Variants in UMODL1 observed in about 807,000 individuals in gnomAD.
UMODL1 encodes uromodulin like 1.
A neutral mutation model predicts 136.3 loss-of-function variants in UMODL1; 128 were observed. The ratio of observed to expected loss-of-function variants is 0.94; its 90% CI spans 0.81 to 1.09. UMODL1 has a LOEUF of 1.09. UMODL1 is among the 50% of genes least tolerant of loss of function. The probability of loss-of-function intolerance (pLI) is 0.00; values close to 1 mark genes in which losing one functional copy is unlikely to be tolerated. For synonymous variants in UMODL1, 721 were observed against 720.0 expected (o/e 1.00, Z -0.02); for missense variants, 1,766 against 1,725.6 (o/e 1.02, Z -0.41).
At chr21:42,094,826 G>A (rs963256728) in intron 6 of UMODL1, among the ~76,000 whole-genome samples, 17 of 121,302 alleles carry the variant, frequency 1.4e-4, no homozygotes, top group African/African-American at 1.2e-4. Flanking sequence ...AACAGCTGCC[G>A]TGAAATTTCG....
At chr21:42,111,812 T>C in intron 12 of UMODL1, 102 bp downstream of exon 12, 2 of 1,196,778 alleles carry the variant, frequency 1.7e-6, no homozygotes, top group Non-Finnish European at 2.3e-6. Context: ...CGCAGGCTGC[T>C]AGCAATGCTC....
At position 42,078,725 on chromosome 21, in the gene UMODL1, C is replaced by T. The variant is rs368934206; in HGVS notation, c.319+2478C>T. 6.0e-5 allele frequency among the ~76,000 whole-genome samples: 9 copies of T among 149,234 alleles called. No homozygotes were observed. In the South Asian group the frequency reaches 1.9e-3, roughly 32 times the overall value. On this transcript the variant is annotated intron_variant, in intron 2 of 22. Transcript: ENST00000408910. Reference sequence around the variant, plus strand: ...GCCAGCTGACCCCAGAGCAACACCTCCATCACCAACAGAAACCAGGCAGGG... The same window carrying T: ...GCCAGCTGACCCCAGAGCAACACCTTCATCACCAACAGAAACCAGGCAGGG...
At chr21:42,091,442 A>T (rs974818599) in intron 6 of UMODL1, among the ~76,000 whole-genome samples, 1 of 152,216 alleles carries the variant, frequency 6.6e-6, no homozygotes, top group Non-Finnish European at 1.5e-5. Flanking sequence ...GGCACACGGG[A>T]TTGGCTCTGC....
chr21:42,072,658 C>T (rs887731483), intron 1 of UMODL1, among the ~76,000 whole-genome samples: 1 of 152,254 alleles, frequency 6.6e-6, no homozygotes, highest in Non-Finnish European at 1.5e-5. Context: ...TTTGCAGCCA[C>T]AGGACATGGC....
intron 14 of UMODL1, among the ~76,000 whole-genome samples, chr21:42,117,705 C>A (rs1442245949): frequency 2.6e-5 from 4 of 152,200 alleles, no homozygotes; most frequent in African/African-American, 7.2e-5. Flanking sequence ...CCTTTGGGAA[C>A]GGCCTAGCTC....
Position 42,119,217 on chromosome 21 carries a change from T to A in UMODL1, c.2582T>A (p.Leu861Ter). ...GGCAGCATCGTGGTGGAGTTTCACT[T>A]GCTGATAATCGCAGATGTGGATGTC... ...TNGSIVVEFH[L>*]LIIADVDVQE... The change falls in exon 15 of 23, where the codon TTG becomes TAG. Residue 861 changes from leucine to a stop codon, truncating the protein, a stop_gained. Coordinates refer to ENST00000408910, the MANE Select transcript of UMODL1 (RefSeq NM_001004416.3). LOFTEE classifies it high-confidence loss of function. 3.1e-6 allele frequency: 5 copies of A among 1,614,172 alleles called. No homozygotes were observed. Among genetic ancestry groups the A allele is most frequent in the Non-Finnish European group, 4.2e-6 (5 of 1,180,018 alleles).
rs760800247 is a variant in UMODL1, at chr21:42,123,042, C to G, written c.3039C>G (p.Pro1013=). Reference sequence around the variant, plus strand: ...GCTTCCTGCAGCAGGAATCCATCCCCGAGTCCTCGTTGTACCTCAGCCACC... The same window carrying G: ...GCTTCCTGCAGCAGGAATCCATCCCGGAGTCCTCGTTGTACCTCAGCCACC... ...QKRFLQQESI[P]ESSLYLSHPS... The change falls in exon 17 of 23, where the codon CCC becomes CCG. Residue 1013 remains proline (P), a synonymous_variant. Coordinates refer to ENST00000408910, the MANE Select transcript of UMODL1 (RefSeq NM_001004416.3). This position sits in a 1 kb window ranked among gnomAD's most constrained non-coding sequence, Gnocchi z 4.4. The G allele has an allele frequency of 3.7e-6, 6 of 1,614,134 alleles. No homozygotes were observed. The South Asian group carries it at 6.6e-5, about 18-fold the overall frequency.
chr21:42,090,188 G>A (rs1164538477), intron 5 of UMODL1, 110 bp from the exon 6 acceptor site: 21 of 1,484,016 alleles, frequency 1.4e-5, no homozygotes, highest in Admixed American at 1.3e-4. Flanking sequence ...CTCAACCGAC[G>A]TGGCACAAAT....
intron 2 of UMODL1, among the ~76,000 whole-genome samples, chr21:42,083,659 A>G (rs1228399765): frequency 6.6e-6 from 1 of 152,294 alleles, no homozygotes; most frequent in Non-Finnish European, 1.5e-5. Flanking sequence ...CCACTGGAAT[A>G]TAAGTTCCCT....
intron 7 of UMODL1, among the ~76,000 whole-genome samples, chr21:42,100,550 C>G (rs1177473317): frequency 6.6e-6 from 1 of 151,966 alleles, no homozygotes; most frequent in Non-Finnish European, 1.5e-5. Context: ...TCCACCTCAT[C>G]TTCTCATTTC....
At chr21:42,141,922 ACT>A (rs1195554308) in intron 22 of UMODL1, among the ~76,000 whole-genome samples, 172 bp from the exon 23 acceptor site, 1 of 152,088 alleles carries the variant, frequency 6.6e-6, no homozygotes, top group Non-Finnish European at 1.5e-5. Context: ...TCCACTGGGC[ACT>A]CTGGGAGTGG....
At chr21:42,086,675 T>C (rs1196264371) in intron 4 of UMODL1, 2 of 453,938 alleles carry the variant, frequency 4.4e-6, no homozygotes, top group Non-Finnish European at 4.4e-6. Flanking sequence ...CCATTAAACA[T>C]AAATAATCGG....
In UMODL1 at chr21:42,090,532, AC is replaced by A; in HGVS notation, c.931+98del. ...AGCAGTGCTTACAGCTGCAGCATTC[AC>A]CCCGAGATAACTCTGCCATGAAATA... is the stretch of plus-strand genomic sequence containing the variant. On this transcript the variant is annotated intron_variant, in intron 6 of 22. Coordinates refer to ENST00000408910, the MANE Select transcript of UMODL1 (RefSeq NM_001004416.3). 2.8e-6 allele frequency: 4 copies of A among 1,445,094 alleles called. No individual in the cohort carries two copies. The South Asian group carries it at 5.3e-5, about 19-fold the overall frequency. 89.5% of individuals were successfully genotyped at this position (1,445,094 alleles called of 1,614,324 possible). A position where few individuals can be genotyped will look rare whatever the true frequency, so the allele number is the denominator to read the frequency against.
chr21:42,116,855 C>T (rs992103760), intron 14 of UMODL1, among the ~76,000 whole-genome samples: 8 of 152,264 alleles, frequency 5.3e-5, no homozygotes, highest in South Asian at 2.1e-4. Flanking sequence ...GTGGGTGGAT[C>T]GCCTGAGGTC....
intron 18 of UMODL1, 123 bp downstream of exon 18, chr21:42,126,613 G>A: frequency 6.9e-7 from 1 of 1,441,572 alleles, no homozygotes; most frequent in East Asian, 2.4e-5. Context: ...ACAAATGGGT[G>A]TGGCCTGGCT....
rs1426070727 is a variant in UMODL1 at position 42,111,369 on chromosome 21, G to T, written c.1900-137G>T. 5 of 1,610,006 alleles carry T rather than the reference G, an allele frequency of 3.1e-6. No individual in the cohort carries two copies. The East Asian group carries it at 1.1e-4, about 36-fold the overall frequency. ...CCCAGCCAGGAGAGCCCCAGCCAGG[G>T]GAGCACCAGCCAGGCGAGCCCCAGC... On this transcript the variant is annotated intron_variant, in intron 11 of 22. Coordinates refer to ENST00000408910, the MANE Select transcript of UMODL1 (RefSeq NM_001004416.3).
chr21:42,090,175 C>T, intron 5 of UMODL1, 123 bp from the exon 6 acceptor site: 1 of 1,350,696 alleles, frequency 7.4e-7, no homozygotes, highest in Non-Finnish European at 1.0e-6. Context: ...GCCCAAGGCA[C>T]CCCTCAACCG....
chr21:42,073,122 T>C (rs551747569), intron 1 of UMODL1, among the ~76,000 whole-genome samples: 1 of 152,274 alleles, frequency 6.6e-6, no homozygotes, highest in East Asian at 1.9e-4. Context: ...CCCTGGCACC[T>C]CTCTAGAGAC....
chr21:42,137,539 C>T lies in UMODL1; in HGVS notation c.3876C>T (p.Ile1292=), dbSNP rs202167400. The T allele has an allele frequency of 7.3e-5, 118 of 1,614,088 alleles. No homozygotes were observed. The highest frequency in any genetic ancestry group is 1.4e-4 in the South Asian group (13 of 91,082). Residue 1292 remains isoleucine (I), a synonymous_variant, in exon 22 of 23, where the codon ATC becomes ATT. Transcript: ENST00000408910. ...VLVAGTATLL[I]VRYQRMNGRY... is the part of the protein sequence containing the mutation. ...TGGCGGGAACAGCCACCCTTCTGAT[C>T]GTGCGCTACCAGAGAATGAATGGGA... is the stretch of plus-strand genomic sequence containing the variant.
Sources: gnomAD v4.1 joint callset for allele counts (sites outside exome capture counted in the v4.1 genomes callset) on GRCh38, gnomAD v4.1.1 for gene constraint, Gnocchi (gnomAD v3.1) non-coding constraint, MANE v1.5 for transcripts, NCBI Gene and HGNC (gene_info 2026-07-23, HGNC 2026-07-21) for gene names.